Variants in POLRMT observed in about 807,000 individuals in gnomAD.
POLRMT encodes the protein DNA-directed RNA polymerase, mitochondrial.
Under a neutral mutation model 132.2 loss-of-function variants are expected in POLRMT, and 114 were observed. That is an observed-to-expected ratio of 0.86 (90% confidence interval 0.74 to 1.01). The LOEUF is 1.01. Among genes scored for constraint, POLRMT ranks in the 50% least tolerant of loss-of-function variants. POLRMT has a pLI of 0.00. For synonymous variants in POLRMT, 1,020 were observed against 773.4 expected (o/e 1.32, Z -5.29); for missense variants, 2,003 against 1,729.1 (o/e 1.16, Z -2.81).
chr19:620,569 G>A (rs1173257546), intron 10 of POLRMT, 82 bp from the exon 11 acceptor site: 32 of 1,430,430 alleles, frequency 2.2e-5, no homozygotes, highest in African/African-American at 1.6e-4. Context: ...GGGGAGGTGG[G>A]AAATGGGGAG....
rs201045597 is a variant in POLRMT, at chr19:619,333, G to T, written c.3067-37C>A. On this transcript the variant is annotated intron_variant, in intron 13 of 20. Coordinates refer to ENST00000588649, the MANE Select transcript of POLRMT (RefSeq NM_005035.4). ...GGGCAGCAGGTGCAGGTCCTCAGGG[G>T]CTGGCCCGTTCACGCCCTACTCCCC... The T allele has an allele frequency of 1.5e-4, 233 of 1,593,450 alleles. 1 individual carries two copies. The African/African-American group carries it at 3.0e-3, about 20-fold the overall frequency.
chr19:620,579 G>C, intron 10 of POLRMT, 92 bp from the exon 11 acceptor site: 1 of 1,402,828 alleles, frequency 7.1e-7, no homozygotes. Flanking sequence ...GAAATGGGGA[G>C]GAGACGCACA....
intron 3 of POLRMT, among the ~76,000 whole-genome samples, chr19:626,162 A>G (rs114872734): frequency 0.12 from 17,961 of 150,490 alleles, 1,301 homozygotes; most frequent in South Asian, 0.18. Context: ...TTATTTAATT[A>G]TTTTTTTAGA....
In POLRMT at chr19:621,131, G is replaced by A. The variant is rs769504567; in HGVS notation, c.2567C>T (p.Pro856Leu). The A allele has an allele frequency of 9.9e-6, 16 of 1,610,840 alleles. No individual in the cohort carries two copies. The highest frequency in any genetic ancestry group is 2.2e-5 in the South Asian group (2 of 91,014). Residue 856 changes from proline (P) to leucine (L), a missense_variant, in exon 10 of 21, where the codon CCG becomes CTG. Physicochemically the swap from Pro to Leu is moderately conservative, Grantham distance 98. Coordinates refer to ENST00000588649, the MANE Select transcript of POLRMT (RefSeq NM_005035.4). ...VNLTGLKKRE[P>L]LRKRLAFAEE... ...CGCAAAGGCCAGGCGCTTCCGCAGC[G>A]GCTCCCGCTTCTTCAACCCCGTGAG...
At position 627,029 on chromosome 19, in the gene POLRMT, G is replaced by A. The variant is rs118045438; in HGVS notation, c.823-1775C>T. ...TTAAGAGTGGCCTGTAACTGTAACAGACTATTCCAAAGGGAAAAAAATTCC... is the reference window on the plus strand; with the variant it reads ...TTAAGAGTGGCCTGTAACTGTAACAAACTATTCCAAAGGGAAAAAAATTCC... On this transcript the variant is annotated intron_variant, in intron 3 of 20. Coordinates refer to ENST00000588649, the MANE Select transcript of POLRMT (RefSeq NM_005035.4). 3.4e-3 allele frequency among the ~76,000 whole-genome samples: 508 copies of A among 151,606 alleles called. 10 individuals carry two copies. The highest frequency in any genetic ancestry group is 0.027 in the East Asian group (137 of 5,158).
chr19:624,588 G>A (rs1011637168), intron 5 of POLRMT, 131 bp downstream of exon 5: 10 of 1,036,218 alleles, frequency 9.7e-6, no homozygotes, highest in East Asian at 5.4e-5. Flanking sequence ...AGAGGAGGAA[G>A]GGAGGAATTC....
At position 622,967 on chromosome 19, in the gene POLRMT, G is replaced by A; in HGVS notation, c.1309C>T (p.Leu437=). The A allele has an allele frequency of 1.2e-6, 2 of 1,612,688 alleles. No individual in the cohort carries two copies. The highest frequency in any genetic ancestry group is 1.7e-6 in the Non-Finnish European group (2 of 1,179,834). The change falls in exon 7 of 21, where the codon CTG becomes TTG. Residue 437 remains leucine, a synonymous_variant. Transcript: ENST00000588649. ...AGTGCTTTCTCCCATTGGTCCCGCA[G>A]GGTCTTCAGGGTCTTCCGCTGCGGG... ...VKHARKTLKT[L]RDQWEKALCR... is the part of the protein sequence containing the mutation.
rs529718589 is a variant in POLRMT at position 621,855 on chromosome 19, C to T, written c.1852-9G>A. Reference sequence around the variant, plus strand: ...GGCTTCAGGATGCCGATCTGGGGTGCGACAGGCAGACGGGTCAGGGCCCCG... The same window carrying T: ...GGCTTCAGGATGCCGATCTGGGGTGTGACAGGCAGACGGGTCAGGGCCCCG... On this transcript the variant is annotated splice_polypyrimidine_tract_variant and intron_variant, in intron 9 of 20. Transcript: ENST00000588649. The T allele has an allele frequency of 4.4e-6, 7 of 1,600,974 alleles. No individual in the cohort carries two copies. The African/African-American group carries it at 5.3e-5, about 12-fold the overall frequency.
chr19:623,303 A>G, intron 6 of POLRMT, 151 bp downstream of exon 6: 1 of 1,358,130 alleles, frequency 7.4e-7, no homozygotes, highest in Non-Finnish European at 9.8e-7. Context: ...GAGCAATTCA[A>G]CCGCATACAC....
chr19:622,287 C>T lies in POLRMT; in HGVS notation c.1713G>A (p.Val571=). 1 of 1,565,244 alleles carries T rather than the reference C, an allele frequency of 6.4e-7. No homozygotes were observed. The highest frequency in any genetic ancestry group is 8.7e-7 in the Non-Finnish European group (1 of 1,155,972). Residue 571 remains valine, a synonymous_variant, in exon 9 of 21, where the codon GTG becomes GTA. Transcript: ENST00000588649. Reference sequence around the variant, plus strand: ...CCAGCAGCTTGCCCAGCTCCATCTGCACTGGCAGGGGCCAGGGCTGCTCCC... The same window carrying T: ...CCAGCAGCTTGCCCAGCTCCATCTGTACTGGCAGGGGCCAGGGCTGCTCCC... ...ALREQPWPLP[V]QMELGKLLAE...
In POLRMT at chr19:629,858, G is replaced by A. The variant is rs1254718428; in HGVS notation, c.504C>T (p.Ser168=). 1 of 1,608,204 alleles carries A rather than the reference G, an allele frequency of 6.2e-7. No homozygotes were observed. Among genetic ancestry groups the A allele is most frequent in the Non-Finnish European group, 8.5e-7 (1 of 1,177,664 alleles). The change falls in exon 3 of 21, where the codon AGC becomes AGT. Residue 168 remains serine, a synonymous_variant. Transcript: ENST00000588649. ...RRLQVEPRLL[S]KQMAGCLEDC... ...CCTCCAGGCACCCGGCCATCTGCTTGCTCAGGAGCCGGGGCTCCACCTGCA... is the reference window on the plus strand; with the variant it reads ...CCTCCAGGCACCCGGCCATCTGCTTACTCAGGAGCCGGGGCTCCACCTGCA...
In POLRMT at chr19:623,466, C is replaced by T; in HGVS notation, c.1278G>A (p.Glu426=). 1 of 1,612,084 alleles carries T rather than the reference C, an allele frequency of 6.2e-7. No individual in the cohort carries two copies. Among genetic ancestry groups the T allele is most frequent in the Non-Finnish European group, 8.5e-7 (1 of 1,179,928 alleles). ...SVEKPTLPSK[E]VKHARKTLKT... The stretch of plus-strand genomic sequence containing the variant: ...GCTCAGCCCCTACCGCGTGCTTGAC[C>T]TCCTTGCTTGGCAACGTGGGCTTCT... The change falls in exon 6 of 21, where the codon GAG becomes GAA. Residue 426 remains glutamate, a synonymous_variant. Transcript: ENST00000588649.
At chr19:626,093 T>C (rs1984998178) in intron 3 of POLRMT, among the ~76,000 whole-genome samples, 1 of 152,192 alleles carries the variant, frequency 6.6e-6, no homozygotes, top group African/African-American at 2.4e-5. Flanking sequence ...GGTGGTGTTT[T>C]CATTTTCATT....
intron 2 of POLRMT, among the ~76,000 whole-genome samples, chr19:630,495 T>C (rs902931082): frequency 2.0e-5 from 3 of 152,094 alleles, no homozygotes; most frequent in African/African-American, 4.8e-5. Context: ...CCGGGGTCTG[T>C]GACAACTCCC....
chr19:624,515 G>A lies in POLRMT; in HGVS notation c.1140+204C>T, dbSNP rs150384881. On this transcript the variant is annotated intron_variant, in intron 5 of 20. Transcript: ENST00000588649. ...TCTCTCTGCGGCCCCCGACCACCTCGTCCCCCTGAGCCCACACCCTCAGGG... is the reference window on the plus strand; with the variant it reads ...TCTCTCTGCGGCCCCCGACCACCTCATCCCCCTGAGCCCACACCCTCAGGG... Among the ~76,000 whole-genome samples the A allele has an allele frequency of 4.8e-3, 733 of 152,034 alleles. 1 individual carries two copies. Among genetic ancestry groups the A allele is most frequent in the African/African-American group, 0.017 (690 of 41,480 alleles).
At position 623,456 on chromosome 19, in the gene POLRMT, C is replaced by T. The variant is rs1984789180; in HGVS notation, c.1288G>A (p.Ala430Thr). The T allele has an allele frequency of 1.9e-6, 3 of 1,611,486 alleles. No individual in the cohort carries two copies. Among genetic ancestry groups the T allele is most frequent in the South Asian group, 1.1e-5 (1 of 91,006 alleles). ...PTLPSKEVKH[A>T]RKTLKTLRDQ... ...CGGGACCCCGGCTCAGCCCCTACCG[C>T]GTGCTTGACCTCCTTGCTTGGCAAC... is the stretch of plus-strand genomic sequence containing the variant. The change falls in exon 6 of 21, where the codon GCG becomes ACG. Residue 430 changes from alanine (A) to threonine (T), a missense_variant and splice_region_variant. By Grantham distance (58) the Ala-to-Thr change is moderately conservative. Transcript: ENST00000588649.
At chr19:632,383 G>C (rs923520626) in intron 2 of POLRMT, among the ~76,000 whole-genome samples, 2 of 152,210 alleles carry the variant, frequency 1.3e-5, no homozygotes, top group African/African-American at 4.8e-5. Flanking sequence ...GCCAGGACGA[G>C]GGCCTGCCAC....
chr19:632,846 C>G lies in POLRMT; in HGVS notation c.181G>C (p.Glu61Gln). ...GGGTCGCGCTCACCCTCCAGCAGCT[C>G]CACGTGGCCCCAGTCCTTCCTGCGG... ...QDRRKDWGHV[E>Q]LLEVLQARVR... is the part of the protein sequence containing the mutation. Residue 61 changes from glutamate to glutamine, a missense_variant, in exon 2 of 21, where the codon GAG (glutamate) becomes CAG (glutamine). By Grantham distance (29) the Glu-to-Gln change is conservative (BLOSUM62 2). Transcript: ENST00000588649. 6.5e-7 allele frequency: 1 copy of G among 1,543,382 alleles called. No individual in the cohort carries two copies. The highest frequency in any genetic ancestry group is 8.7e-7 in the Non-Finnish European group (1 of 1,147,156).
Position 629,557 on chromosome 19 carries a change from G to A in POLRMT, c.805C>T (p.Leu269Phe), listed in dbSNP as rs1985253096. 1 of 1,531,934 alleles carries A rather than the reference G, an allele frequency of 6.5e-7. No homozygotes were observed. Among genetic ancestry groups the A allele is most frequent in the Non-Finnish European group, 8.8e-7 (1 of 1,138,644 alleles). The allele number at this position is 1,531,934 out of a possible 1,614,324, so 94.9% of individuals were successfully genotyped here. The change falls in exon 3 of 21, where the codon CTT becomes TTT. Residue 269 changes from leucine (L) to phenylalanine (F), a missense_variant. Coordinates refer to ENST00000588649, the MANE Select transcript of POLRMT (RefSeq NM_005035.4). Reference sequence around the variant, plus strand: ...GCACTCACCTGCCGCGCCCAGCCAAGCATCACGGCGTTGTACATGTCCAGC... The same window carrying A: ...GCACTCACCTGCCGCGCCCAGCCAAACATCACGGCGTTGTACATGTCCAGC... ...LTLDMYNAVM[L>F]GWARQGAFKE...
Sources: gnomAD v4.1 joint callset for allele counts (sites outside exome capture counted in the v4.1 genomes callset) on GRCh38, gnomAD v4.1.1 for gene constraint, MANE v1.5 for transcripts, NCBI Gene and HGNC (gene_info 2026-07-23, HGNC 2026-07-21) for gene names.